RAPGEF5: variants seen among roughly 807,000 people sequenced by gnomAD.
The protein encoded by RAPGEF5 is Rap guanine nucleotide exchange factor 5.
RAPGEF5 carries 65 observed loss-of-function variants against 125.2 expected under a neutral mutation model. That is an observed-to-expected ratio of 0.52 (90% CI 0.43 to 0.64). The LOEUF (loss-of-function observed/expected upper bound fraction) is 0.64. Among genes scored for constraint, RAPGEF5 ranks in the 30% least tolerant of loss-of-function variants. The pLI, the probability that RAPGEF5 is intolerant of heterozygous loss-of-function variation, is 0.00. For missense variants in RAPGEF5, 958 were observed against 1,048.1 expected (o/e 0.91, Z 1.19); for synonymous variants, 391 against 385.9 (o/e 1.01, Z -0.16).
chr7:22,308,314 A>G, intron 5 of RAPGEF5, 25 bp downstream of exon 5: 1 of 1,560,324 alleles, frequency 6.4e-7, no homozygotes, highest in South Asian at 1.2e-5. Flanking sequence ...TAAGAATACA[A>G]TGGCACAAGA....
rs757024429 is a variant in RAPGEF5, at chr7:22,308,453, T to C, written c.566A>G (p.Asp189Gly). The C allele has an allele frequency of 3.9e-5, 62 of 1,575,404 alleles. No individual in the cohort carries two copies. Among genetic ancestry groups the C allele is most frequent in the Non-Finnish European group, 5.3e-5 (61 of 1,158,788 alleles). The change falls in exon 5 of 26, where the codon GAT (aspartate) becomes GGT (glycine). Residue 189 changes from aspartate (D) to glycine (G), a missense_variant. Physicochemically the swap from Asp to Gly is moderately conservative, Grantham distance 94 (BLOSUM62 -1). Coordinates refer to ENST00000665637, the MANE Select transcript of RAPGEF5 (RefSeq NM_012294.5). ...TTCACAGTACAAGTAGCTACATTCA[T>C]CAGAGGAAAACTGGTAGAAAACATA... is the stretch of plus-strand genomic sequence containing the variant. ...DTYVFYQFSS[D>G]ECSYLYCEFE...
In RAPGEF5 at chr7:22,250,472, C is replaced by T. The variant is rs1340943481; in HGVS notation, c.796+16492G>A. ...ATCACTTACTATGGAATATTATTTA[C>T]TTTTCTTCACATACCATGTTCATGT... On this transcript the variant is annotated intron_variant, in intron 7 of 25. Transcript: ENST00000665637. Among the ~76,000 whole-genome samples, 4 of 152,208 alleles carry T rather than the reference C, an allele frequency of 2.6e-5. 1 individual carries two copies. Among genetic ancestry groups the T allele is most frequent in the Admixed American group, 2.6e-4 (4 of 15,272 alleles).
At position 22,262,526 on chromosome 7, in the gene RAPGEF5, T is replaced by C. The variant is rs79283053; in HGVS notation, c.796+4438A>G. Among the ~76,000 whole-genome samples, 475 of 152,314 alleles carry C rather than the reference T, an allele frequency of 3.1e-3. 8 individuals carry two copies. In the East Asian group the frequency reaches 0.071, roughly 23 times the overall value. ...TACTGTGAAAGATAGTTTAGCTGTT[T>C]CTCAAAAAACTAAACATAAACATAG... On this transcript the variant is annotated intron_variant, in intron 7 of 25. Transcript: ENST00000665637.
At chr7:22,140,619 G>T (rs529099682) in intron 20 of RAPGEF5, among the ~76,000 whole-genome samples, 5 of 152,100 alleles carry the variant, frequency 3.3e-5, no homozygotes, top group Admixed American at 1.3e-4. Context: ...TTTTAAATAC[G>T]GCATATATTA....
At chr7:22,232,690 T>C (rs1408881254) in intron 7 of RAPGEF5, among the ~76,000 whole-genome samples, 2 of 152,196 alleles carry the variant, frequency 1.3e-5, no homozygotes, top group African/African-American at 4.8e-5. Flanking sequence ...CTTTTTGCTT[T>C]TGTATGCCAT....
intron 11 of RAPGEF5, among the ~76,000 whole-genome samples, chr7:22,188,764 C>CAA (rs1180031530): frequency 1.6e-3 from 85 of 51,814 alleles, no homozygotes; most frequent in African/African-American, 5.0e-3. Context: ...GACTCCGTCT[C>CAA]AAAAAAAAAA....
chr7:22,286,220 C>T (rs1306895541), intron 6 of RAPGEF5, among the ~76,000 whole-genome samples: 2 of 152,238 alleles, frequency 1.3e-5, no homozygotes, highest in Non-Finnish European at 2.9e-5. Context: ...ACTCTCTTCT[C>T]TTTCACCACC....
intron 5 of RAPGEF5, among the ~76,000 whole-genome samples, chr7:22,307,993 C>G (rs920814126): frequency 3.3e-5 from 5 of 152,110 alleles, no homozygotes; most frequent in African/African-American, 4.8e-5. Flanking sequence ...AGGAAAGTCA[C>G]GATTTGGATA....
intron 19 of RAPGEF5, 85 bp downstream of exon 19, chr7:22,146,812 T>G (rs1783453859): frequency 1.4e-6 from 2 of 1,429,352 alleles, no homozygotes; most frequent in Admixed American, 5.3e-5. Flanking sequence ...CTAGCATAAT[T>G]TCATCACCGC....
chr7:22,248,868 G>A (rs1229941337), intron 7 of RAPGEF5, among the ~76,000 whole-genome samples: 1 of 152,134 alleles, frequency 6.6e-6, no homozygotes, highest in African/African-American at 2.4e-5. Flanking sequence ...GTCATGCTTT[G>A]CTCCCTATTG....
chr7:22,307,182 G>A (rs1377790071), intron 5 of RAPGEF5, among the ~76,000 whole-genome samples: 1 of 152,124 alleles, frequency 6.6e-6, no homozygotes, highest in African/African-American at 2.4e-5. Context: ...TCTAATCCAT[G>A]AACATGAAAT....
chr7:22,129,760 C>G (rs563482389), intron 24 of RAPGEF5, among the ~76,000 whole-genome samples: 90 of 152,218 alleles, frequency 5.9e-4, no homozygotes, highest in Middle Eastern at 3.4e-3. Context: ...AAGCACTAGC[C>G]GTGAAGTGAT....
At position 22,145,149 on chromosome 7, in the gene RAPGEF5, T is replaced by C. The variant is rs1350767680; in HGVS notation, c.2081A>G (p.Gln694Arg). 21 of 1,613,658 alleles carry C rather than the reference T, an allele frequency of 1.3e-5. No homozygotes were observed. Among genetic ancestry groups the C allele is most frequent in the African/African-American group, 4.0e-5 (3 of 74,954 alleles). The change falls in exon 20 of 26, where the codon CAG (glutamine) becomes CGG (arginine). Residue 694 changes from glutamine to arginine, a missense_variant. Transcript: ENST00000665637. ...EHTANLSLLL[Q>R]RCNEVQLWVA... ...CCAAAGCTGGACCTCATTGCATCTC[T>C]GGAGCAGAAGGCTGAGATTTGCAGT...
At chr7:22,257,394 A>C (rs2128139541) in intron 7 of RAPGEF5, among the ~76,000 whole-genome samples, 1 of 152,336 alleles carries the variant, frequency 6.6e-6, no homozygotes, top group East Asian at 1.9e-4. Context: ...AATCACAATA[A>C]GAAGTTTACC....
intron 9 of RAPGEF5, among the ~76,000 whole-genome samples, chr7:22,216,743 C>T (rs548336059): frequency 4.6e-5 from 7 of 152,160 alleles, no homozygotes; most frequent in Non-Finnish European, 8.8e-5. Flanking sequence ...CTCATTGTGC[C>T]TACAGCTAGT....
At position 22,316,308 on chromosome 7, in the gene RAPGEF5, T is replaced by C. The variant is rs567013648; in HGVS notation, c.283-832A>G. On this transcript the variant is annotated intron_variant, in intron 2 of 25. Coordinates refer to ENST00000665637, the MANE Select transcript of RAPGEF5 (RefSeq NM_012294.5). ...ATATTACTGGGGGTACATGCCTACA[T>C]AGTTTTACTTTTTTCTTAGTAAATT... Among the ~76,000 whole-genome samples, 39 of 151,428 alleles carry C rather than the reference T, an allele frequency of 2.6e-4. No homozygotes were observed. In the East Asian group the frequency reaches 6.4e-3, roughly 25 times the overall value.
intron 2 of RAPGEF5, among the ~76,000 whole-genome samples, 153 bp downstream of exon 2, chr7:22,317,834 A>C (rs556711266): frequency 6.6e-6 from 1 of 152,318 alleles, no homozygotes; most frequent in South Asian, 2.1e-4. Context: ...TTGCTGTGTC[A>C]TCCCAGGTGG....
intron 1 of RAPGEF5, chr7:22,355,909 A>G: frequency 4.2e-6 from 4 of 960,662 alleles, no homozygotes; most frequent in Non-Finnish European, 5.0e-6. Context: ...GGAAAGAAAA[A>G]CCACATTGAT....
intron 18 of RAPGEF5, among the ~76,000 whole-genome samples, chr7:22,148,196 G>A (rs1271720369): frequency 6.6e-6 from 1 of 152,202 alleles, no homozygotes; most frequent in Non-Finnish European, 1.5e-5. Context: ...AGACCAGACA[G>A]GCTCTACTGC....
Sources: gnomAD v4.1 joint callset for allele counts (sites outside exome capture counted in the v4.1 genomes callset) on GRCh38, gnomAD v4.1.1 for gene constraint, MANE v1.5 for transcripts, NCBI Gene and HGNC (gene_info 2026-07-23, HGNC 2026-07-21) for gene names.